The following NKAIN3 variants were observed in gnomAD, a reference collection of about 807,000 sequenced individuals.
NKAIN3 encodes the protein sodium/potassium transporting ATPase interacting 3.
In NKAIN3, 25 loss-of-function variants were observed where a neutral mutation model predicts 30.2. The observed-to-expected ratio is 0.83, with a 90% confidence interval of 0.60 to 1.16. The LOEUF (loss-of-function observed/expected upper bound fraction) is 1.16. NKAIN3 is among the 50% of genes most tolerant of loss of function. NKAIN3 has a pLI of 0.00. For synonymous variants in NKAIN3, 91 were observed against 89.6 expected (o/e 1.02, Z -0.09); for missense variants, 225 against 254.1 (o/e 0.89, Z 0.78).
intron 3 of NKAIN3, among the ~76,000 whole-genome samples, chr8:62,618,914 C>CAAAAGAAAAG (rs370654678): frequency 6.6e-6 from 1 of 151,128 alleles, no homozygotes; most frequent in East Asian, 2.0e-4. Flanking sequence ...TCAAAAAAAA[C>CAAAAGAAAAG]AAAAGAAAAG....
At chr8:62,813,662 T>C (rs995316524) in intron 4 of NKAIN3, among the ~76,000 whole-genome samples, 1 of 151,978 alleles carries the variant, frequency 6.6e-6, no homozygotes, top group Non-Finnish European at 1.5e-5. Flanking sequence ...TTTCTTCCAC[T>C]CTTGTTTGTG....
chr8:62,624,312 G>T (rs1171025802), intron 3 of NKAIN3, among the ~76,000 whole-genome samples: 1 of 151,808 alleles, frequency 6.6e-6, no homozygotes. Flanking sequence ...GTCTTGTTTT[G>T]TCCAACCCCT....
chr8:62,900,637 G>A (rs1821585903), intron 4 of NKAIN3, among the ~76,000 whole-genome samples: 1 of 152,168 alleles, frequency 6.6e-6, no homozygotes, highest in African/African-American at 2.4e-5. Flanking sequence ...AACATACAGT[G>A]TTCAAAATAG....
intron 1 of NKAIN3, among the ~76,000 whole-genome samples, chr8:62,379,077 T>G (rs570400682): frequency 4.6e-5 from 7 of 152,340 alleles, no homozygotes; most frequent in Middle Eastern, 3.4e-3. Context: ...GTGACATGGT[T>G]GTGAGACTTG....
intron 4 of NKAIN3, among the ~76,000 whole-genome samples, chr8:62,828,380 A>G (rs1457978922): frequency 2.6e-5 from 4 of 152,178 alleles, no homozygotes; most frequent in Non-Finnish European, 5.9e-5. Flanking sequence ...ACTGCAAAAT[A>G]CATGCCAAAA....
chr8:62,380,104 T>C (rs1817224995), intron 1 of NKAIN3, among the ~76,000 whole-genome samples: 1 of 152,202 alleles, frequency 6.6e-6, no homozygotes, highest in East Asian at 1.9e-4. Context: ...TTAACATGTA[T>C]TGTATGTTAA....
chr8:62,924,344 T>C (rs1009541885), intron 5 of NKAIN3, among the ~76,000 whole-genome samples: 1 of 152,258 alleles, frequency 6.6e-6, no homozygotes, highest in Non-Finnish European at 1.5e-5. Context: ...CACACTGTGC[T>C]TTTTCCTTGG....
chr8:62,366,314 C>T (rs1012690068), intron 1 of NKAIN3, among the ~76,000 whole-genome samples: 1 of 151,892 alleles, frequency 6.6e-6, no homozygotes, highest in African/African-American at 2.4e-5. Context: ...ACAACCTCTG[C>T]CTCCAGGGTT....
At chr8:62,624,076 A>G (rs1811712800) in intron 3 of NKAIN3, among the ~76,000 whole-genome samples, 1 of 152,052 alleles carries the variant, frequency 6.6e-6, no homozygotes, top group South Asian at 2.1e-4. Context: ...TGCTGGTAGG[A>G]GTATCCTTTA....
chr8:62,858,114 G>C (rs1026865253), intron 4 of NKAIN3, among the ~76,000 whole-genome samples: 1 of 152,090 alleles, frequency 6.6e-6, no homozygotes, highest in Admixed American at 6.6e-5. Flanking sequence ...GCATAGGGCT[G>C]CTGTGGTTTG....
chr8:62,630,917 A>G (rs1563491553), intron 3 of NKAIN3, among the ~76,000 whole-genome samples: 2 of 152,150 alleles, frequency 1.3e-5, no homozygotes, highest in Non-Finnish European at 2.9e-5. Context: ...TTTAATATTA[A>G]GAGAAAAGCA....
Position 62,805,383 on chromosome 8 carries a change from A to G in NKAIN3, c.471+58254A>G, listed in dbSNP as rs534419982. On this transcript the variant is annotated intron_variant, in intron 4 of 6. Transcript: ENST00000623646. ...AAAAGAACAAAGCTGGAGGCATCAC[A>G]CTACCTGACTTCAAACTATACTACA... Among the ~76,000 whole-genome samples, 255 of 151,526 alleles carry G rather than the reference A, an allele frequency of 1.7e-3. 1 individual carries two copies. The highest frequency in any genetic ancestry group is 0.015 in the South Asian group (73 of 4,784).
At chr8:62,799,365 G>A (rs1048032279) in intron 4 of NKAIN3, among the ~76,000 whole-genome samples, 1 of 151,966 alleles carries the variant, frequency 6.6e-6, no homozygotes, top group African/African-American at 2.4e-5. Context: ...ACAAACAATT[G>A]CATCAAAAAG....
At position 62,402,454 on chromosome 8, in the gene NKAIN3, C is replaced by A. The variant is rs185319746; in HGVS notation, c.54+153327C>A. Reference sequence around the variant, plus strand: ...CACCCAAATCTCATTTTGAATTGTACTTTCCATAATCCCCACATGTTGTGG... The same window carrying A: ...CACCCAAATCTCATTTTGAATTGTAATTTCCATAATCCCCACATGTTGTGG... On this transcript the variant is annotated intron_variant, in intron 1 of 6. Transcript: ENST00000623646. 3.4e-3 allele frequency among the ~76,000 whole-genome samples: 522 copies of A among 152,316 alleles called. 1 individual carries two copies. The highest frequency in any genetic ancestry group is 0.012 in the African/African-American group (485 of 41,562).
chr8:62,703,383 G>A (rs1014967391), intron 3 of NKAIN3, among the ~76,000 whole-genome samples: 1 of 151,864 alleles, frequency 6.6e-6, no homozygotes, highest in Non-Finnish European at 1.5e-5. Context: ...AATTATTAAA[G>A]CTAGGCTTCT....
intron 4 of NKAIN3, among the ~76,000 whole-genome samples, chr8:62,900,444 G>C (rs1401631759): frequency 6.6e-6 from 1 of 152,194 alleles, no homozygotes; most frequent in Non-Finnish European, 1.5e-5. Flanking sequence ...TGTGAAAGGA[G>C]AACTGCATAT....
At chr8:62,463,545 G>A (rs1806061761) in intron 1 of NKAIN3, among the ~76,000 whole-genome samples, 1 of 152,174 alleles carries the variant, frequency 6.6e-6, no homozygotes, top group Non-Finnish European at 1.5e-5. Context: ...AGCATGGAAA[G>A]CTATACCAAC....
chr8:62,796,113 G>T (rs1817852117), intron 4 of NKAIN3, among the ~76,000 whole-genome samples: 2 of 152,004 alleles, frequency 1.3e-5, no homozygotes, highest in Non-Finnish European at 2.9e-5. Flanking sequence ...GCCAGGCAGG[G>T]TGGCTCACAC....
At chr8:62,285,376 AG>A (rs779445460) in intron 1 of NKAIN3, among the ~76,000 whole-genome samples, 10 of 152,182 alleles carry the variant, frequency 6.6e-5, no homozygotes, top group Non-Finnish European at 1.5e-4. Flanking sequence ...GGGAAATTCT[AG>A]CTTTGTTGTA....
Sources: gnomAD v4.1 joint callset for allele counts (sites outside exome capture counted in the v4.1 genomes callset) on GRCh38, gnomAD v4.1.1 for gene constraint, MANE v1.5 for transcripts, NCBI Gene and HGNC (gene_info 2026-07-23, HGNC 2026-07-21) for gene names.